LYPLAL1: variants seen among roughly 807,000 people sequenced by gnomAD.
The protein encoded by LYPLAL1 is lysophospholipase-like protein 1.
Under a neutral mutation model 19.7 loss-of-function variants are expected in LYPLAL1, and 23 were observed. The ratio of observed to expected loss-of-function variants is 1.17; its 90% CI spans 0.84 to 1.65. The LOEUF (loss-of-function observed/expected upper bound fraction) is 1.65. Among genes scored for constraint, LYPLAL1 ranks in the 40% most tolerant of loss-of-function variants. The pLI is 0.00. For missense variants in LYPLAL1, 355 were observed against 279.4 expected (o/e 1.27, Z -1.93); for synonymous variants, 119 against 96.3 (o/e 1.24, Z -1.38).
the LYPLAL1 span, among the ~76,000 whole-genome samples, chr1:219,292,664 T>C: frequency 4.4e-4 from 67 of 152,352 alleles, no homozygotes; most frequent in African/African-American, 1.5e-3. Flanking sequence ...TGATTTCATC[T>C]TTAGGATATT....
the LYPLAL1 span, among the ~76,000 whole-genome samples, chr1:219,259,667 A>T: frequency 1.3e-5 from 2 of 151,478 alleles, no homozygotes; most frequent in Non-Finnish European, 2.9e-5. Context: ...GTGAGAGATA[A>T]AAGACTATAC....
At chr1:219,280,851 C>T in the LYPLAL1 span, among the ~76,000 whole-genome samples, 1 of 152,090 alleles carries the variant, frequency 6.6e-6, no homozygotes, top group Non-Finnish European at 1.5e-5. Flanking sequence ...GGTTCAAGAC[C>T]AGCCATGGCC....
rs1253680890 is a variant in LYPLAL1 at position 219,210,485 on chromosome 1, AATT to A, written c.362-40_362-38del. ...GAAAATTGTTATATATCATATCCTA[AATT>A]ATTATTTTATGTATTCTACTTTTAA... On this transcript the variant is annotated intron_variant, in intron 3 of 4. Coordinates refer to ENST00000366928, the MANE Select transcript of LYPLAL1 (RefSeq NM_138794.5). 7 of 1,180,924 alleles carry A rather than the reference AATT, an allele frequency of 5.9e-6. No individual in the cohort carries two copies. In the African/African-American group the frequency reaches 1.0e-4, roughly 17 times the overall value. 73.2% of individuals were successfully genotyped at this position (1,180,924 alleles called of 1,614,324 possible). A position where few individuals can be genotyped will look rare whatever the true frequency, so the allele number is the denominator to read the frequency against.
At chr1:219,276,959 G>A in the LYPLAL1 span, among the ~76,000 whole-genome samples, 2 of 152,166 alleles carry the variant, frequency 1.3e-5, no homozygotes, top group African/African-American at 4.8e-5. Flanking sequence ...CCATGGACTT[G>A]TGAAATTACC....
At chr1:219,382,136 T>C in the LYPLAL1 span, among the ~76,000 whole-genome samples, 129 of 152,356 alleles carry the variant, frequency 8.5e-4, 1 homozygote, top group African/African-American at 3.1e-3. Context: ...AGTCTGAGTA[T>C]ATGAAGTCCA....
the LYPLAL1 span, among the ~76,000 whole-genome samples, chr1:219,294,084 G>T: frequency 6.6e-6 from 1 of 152,162 alleles, no homozygotes; most frequent in African/African-American, 2.4e-5. Flanking sequence ...TGGAAAATTT[G>T]CTGGAGAAAG....
chr1:219,268,252 TAAG>T, the LYPLAL1 span, among the ~76,000 whole-genome samples: 2 of 150,738 alleles, frequency 1.3e-5, no homozygotes, highest in Non-Finnish European at 3.0e-5. Context: ...TGTAAGGTGA[TAAG>T]GAGGGGTGGG....
chr1:219,278,729 G>A, the LYPLAL1 span, among the ~76,000 whole-genome samples: 1 of 151,352 alleles, frequency 6.6e-6, no homozygotes, highest in Non-Finnish European at 1.5e-5. Flanking sequence ...GATTGGGAAA[G>A]AAGGGCGGAC....
chr1:219,386,337 C>T, the LYPLAL1 span, among the ~76,000 whole-genome samples: 1 of 152,118 alleles, frequency 6.6e-6, no homozygotes, highest in East Asian at 1.9e-4. Context: ...AACACTATTC[C>T]GTCAGAAAAC....
chr1:219,323,271 A>G, the LYPLAL1 span, among the ~76,000 whole-genome samples: 6 of 152,310 alleles, frequency 3.9e-5, no homozygotes, highest in Non-Finnish European at 8.8e-5. Context: ...ACTAACATGA[A>G]CTAGGAAAAA....
At chr1:219,202,114 G>A (rs1658157211) in intron 3 of LYPLAL1, among the ~76,000 whole-genome samples, 1 of 152,156 alleles carries the variant, frequency 6.6e-6, no homozygotes, top group Non-Finnish European at 1.5e-5. Flanking sequence ...GACTCAGAGT[G>A]CTGAGTTCTA....
At chr1:219,354,013 A>G in the LYPLAL1 span, among the ~76,000 whole-genome samples, 8 of 152,338 alleles carry the variant, frequency 5.3e-5, no homozygotes, top group Middle Eastern at 6.8e-3. Context: ...TAGACACTGA[A>G]GAAGTTAAGA....
At chr1:219,335,056 C>T in the LYPLAL1 span, among the ~76,000 whole-genome samples, 1 of 151,950 alleles carries the variant, frequency 6.6e-6, no homozygotes, top group Non-Finnish European at 1.5e-5. Context: ...CAAAACATTT[C>T]CTCCATATAC....
At chr1:219,259,361 A>T in the LYPLAL1 span, among the ~76,000 whole-genome samples, 1 of 150,238 alleles carries the variant, frequency 6.7e-6, no homozygotes, top group African/African-American at 2.5e-5. Context: ...GAATCAGCCT[A>T]AATGCCCATC....
At chr1:219,177,211 G>A (rs1655888512) in intron 1 of LYPLAL1, among the ~76,000 whole-genome samples, 1 of 152,172 alleles carries the variant, frequency 6.6e-6, no homozygotes, top group African/African-American at 2.4e-5. Context: ...TGTCTGGAGT[G>A]AGAAGAATAG....
At chr1:219,286,627 G>A in the LYPLAL1 span, among the ~76,000 whole-genome samples, 33 of 152,328 alleles carry the variant, frequency 2.2e-4, no homozygotes, top group African/African-American at 7.7e-4. Context: ...GCTGAGAGTG[G>A]GACAGTGTCA....
At chr1:219,261,890 G>T in the LYPLAL1 span, among the ~76,000 whole-genome samples, 1 of 152,138 alleles carries the variant, frequency 6.6e-6, no homozygotes, top group Non-Finnish European at 1.5e-5. Context: ...TGGAGGTCTG[G>T]ATCTTTGGCA....
the LYPLAL1 span, among the ~76,000 whole-genome samples, chr1:219,246,281 A>T: frequency 1.3e-5 from 2 of 152,088 alleles, no homozygotes; most frequent in African/African-American, 4.8e-5. Context: ...TTCTCTAGTG[A>T]TACTGCAGGA....
the LYPLAL1 span, chr1:219,271,353 T>A: frequency 6.6e-6 from 1 of 151,788 alleles, no homozygotes. Context: ...GGAATTAATG[T>A]GTGCTCACTG....
Sources: allele counts gnomAD v4.1 joint callset (sites outside exome capture counted in the v4.1 genomes callset), GRCh38; gene constraint gnomAD v4.1.1; transcripts MANE v1.5; gene names NCBI Gene and HGNC (gene_info 2026-07-23, HGNC 2026-07-21).